The following TRMT11 variants were observed in gnomAD, a reference collection of about 807,000 sequenced individuals.
TRMT11 encodes tRNA (guanine(10)-N(2))-methyltransferase TRMT11.
A neutral mutation model predicts 62.8 loss-of-function variants in TRMT11; 53 were observed. The ratio of observed to expected loss-of-function variants is 0.84; its 90% CI spans 0.68 to 1.06. TRMT11 has a LOEUF of 1.06. TRMT11 is among the 50% of genes least tolerant of loss of function. The probability of loss-of-function intolerance (pLI) is 0.00; values close to 1 mark genes in which losing one functional copy is unlikely to be tolerated. For missense variants in TRMT11, 556 were observed against 553.4 expected (o/e 1.00, Z -0.05); for synonymous variants, 188 against 190.3 (o/e 0.99, Z 0.10).
At chr6:126,114,571 C>T (rs542377892) in intron 18 of TRMT11, among the ~76,000 whole-genome samples, 22 of 152,168 alleles carry the variant, frequency 1.4e-4, no homozygotes, top group African/African-American at 5.1e-4. Flanking sequence ...GTGCCTTTCC[C>T]GCAGGGGGAG....
intron 17 of TRMT11, among the ~76,000 whole-genome samples, chr6:126,067,251 A>G (rs542452542): frequency 4.6e-5 from 7 of 152,184 alleles, no homozygotes; most frequent in Admixed American, 3.9e-4. Flanking sequence ...AAATATGCCT[A>G]TTGCTCAATA....
intron 21 of TRMT11, among the ~76,000 whole-genome samples, chr6:126,149,332 A>AT (rs1778010961): frequency 6.6e-6 from 1 of 151,948 alleles, no homozygotes; most frequent in Non-Finnish European, 1.5e-5. Flanking sequence ...ATTATTCATC[A>AT]TTTTCTAAGA....
chr6:126,271,126 G>A, the TRMT11 span, among the ~76,000 whole-genome samples: 153 of 152,132 alleles, frequency 1.0e-3, no homozygotes, highest in African/African-American at 3.5e-3. Flanking sequence ...CACTTTGGGA[G>A]GCTGAGGCAG....
chr6:126,247,366 C>T, the TRMT11 span, among the ~76,000 whole-genome samples: 4 of 151,700 alleles, frequency 2.6e-5, no homozygotes, highest in Admixed American at 2.6e-4. Flanking sequence ...CACATATACA[C>T]ACACACAGTA....
At chr6:126,246,937 C>A in the TRMT11 span, among the ~76,000 whole-genome samples, 1 of 152,258 alleles carries the variant, frequency 6.6e-6, no homozygotes, top group African/African-American at 2.4e-5. Flanking sequence ...GAAGCAGGAG[C>A]GCAGCCTACA....
At chr6:126,038,102 G>T (rs1775511748) in intron 12 of TRMT11, among the ~76,000 whole-genome samples, 1 of 152,054 alleles carries the variant, frequency 6.6e-6, no homozygotes, top group Admixed American at 6.6e-5. Flanking sequence ...TTAGACGTCA[G>T]TCTGAGCAGT....
the TRMT11 span, among the ~76,000 whole-genome samples, chr6:126,219,213 G>T: frequency 6.6e-6 from 1 of 152,044 alleles, no homozygotes; most frequent in African/African-American, 2.4e-5. Flanking sequence ...TTTTTTTTGT[G>T]TGTGTAGATA....
intron 1 of TRMT11, among the ~76,000 whole-genome samples, chr6:125,992,674 C>A (rs540530481): frequency 6.6e-6 from 1 of 152,264 alleles, no homozygotes; most frequent in East Asian, 1.9e-4. Context: ...TGTATAAAGC[C>A]ACATCGCTAG....
At chr6:126,030,952 C>G (rs911028394) in intron 12 of TRMT11, among the ~76,000 whole-genome samples, 2 of 152,062 alleles carry the variant, frequency 1.3e-5, no homozygotes, top group Non-Finnish European at 2.9e-5. Context: ...TGAAGGGACA[C>G]CAGGAGAGAA....
chr6:126,077,690 G>A (rs1777060759), intron 17 of TRMT11, among the ~76,000 whole-genome samples: 1 of 152,212 alleles, frequency 6.6e-6, no homozygotes, highest in Non-Finnish European at 1.5e-5. Flanking sequence ...TTGAGTATTT[G>A]TTGAGGATAT....
chr6:126,022,913 A>G (rs1029180748), intron 12 of TRMT11, among the ~76,000 whole-genome samples: 6 of 152,246 alleles, frequency 3.9e-5, no homozygotes, highest in Non-Finnish European at 7.3e-5. Flanking sequence ...TTCAAATGAC[A>G]TCCTTGGAGT....
chr6:126,191,861 T>A (rs1450903155), intron 1 of TRMT11, among the ~76,000 whole-genome samples: 3 of 152,162 alleles, frequency 2.0e-5, no homozygotes, highest in African/African-American at 7.2e-5. Context: ...GTAATATAAT[T>A]TGAAAACAGG....
In TRMT11 at chr6:126,010,947, G is replaced by A. The variant is rs1002144740; in HGVS notation, c.761-306G>A. On this transcript the variant is annotated intron_variant, in intron 8 of 12. Transcript: ENST00000334379. ...CAGGACTGTTTACTGCTGGAAGAAA[G>A]GAACCATATTCTCTTCAACTCTATC... is the stretch of plus-strand genomic sequence containing the variant. Among the ~76,000 whole-genome samples, 4 of 152,156 alleles carry A rather than the reference G, an allele frequency of 2.6e-5. No homozygotes were observed. The East Asian group carries it at 5.8e-4, about 22-fold the overall frequency.
the TRMT11 span, among the ~76,000 whole-genome samples, chr6:126,240,194 C>T: frequency 1.3e-5 from 2 of 152,246 alleles, no homozygotes; most frequent in East Asian, 3.9e-4. Context: ...CGTTTGAAGC[C>T]TTCTTCTCTC....
intron 17 of TRMT11, among the ~76,000 whole-genome samples, chr6:126,111,516 A>T (rs140428208): frequency 6.5e-4 from 99 of 152,242 alleles, no homozygotes; most frequent in African/African-American, 2.2e-3. Context: ...TGCTAATTAC[A>T]TGGTTACTCA....
chr6:126,104,801 CT>C lies in TRMT11; in HGVS notation c.*1438-8063del, dbSNP rs528076800. ...TCTCCCATTGTTTAAAGACCTTAAT[CT>C]TCATGAAAACCCTTAGATTTCTATC... On this transcript the variant is annotated intron_variant and NMD_transcript_variant, in intron 17 of 22. Transcript: ENST00000648977. Among the ~76,000 whole-genome samples the C allele has an allele frequency of 2.6e-5, 4 of 152,318 alleles. No individual in the cohort carries two copies. In the South Asian group the frequency reaches 8.3e-4, roughly 32 times the overall value.
At chr6:126,234,674 A>G in the TRMT11 span, among the ~76,000 whole-genome samples, 2 of 152,182 alleles carry the variant, frequency 1.3e-5, no homozygotes, top group African/African-American at 4.8e-5. Context: ...ATTTCTCTAA[A>G]TATCAATATT....
At chr6:126,054,472 C>T (rs1286547890) in intron 17 of TRMT11, among the ~76,000 whole-genome samples, 1 of 152,156 alleles carries the variant, frequency 6.6e-6, no homozygotes, top group Admixed American at 6.5e-5. Flanking sequence ...GATACTTGCT[C>T]CAGAGCCAAG....
the TRMT11 span, among the ~76,000 whole-genome samples, chr6:126,249,367 T>G: frequency 1.3e-5 from 2 of 152,052 alleles, no homozygotes; most frequent in Non-Finnish European, 2.9e-5. Context: ...CAACAGCAAG[T>G]TAATGACAAG....
Sources: gnomAD v4.1 joint callset for allele counts (sites outside exome capture counted in the v4.1 genomes callset) on GRCh38, gnomAD v4.1.1 for gene constraint, MANE v1.5 for transcripts, NCBI Gene and HGNC (gene_info 2026-07-23, HGNC 2026-07-21) for gene names.